SETD5: variants seen among roughly 807,000 people sequenced by gnomAD.
SETD5 encodes the protein histone-lysine N-methyltransferase SETD5.
In SETD5, 44 loss-of-function variants were observed where a neutral mutation model predicts 153.3. That is an observed-to-expected ratio of 0.29 (90% CI 0.23 to 0.37). The LOEUF (loss-of-function observed/expected upper bound fraction) is 0.37, where lower values mean the gene tolerates loss of function less well. Ranked by LOEUF, SETD5 falls within the 10% of genes least tolerant of loss-of-function variation. The probability of loss-of-function intolerance (pLI) is 1.00; values close to 1 mark genes in which losing one functional copy is unlikely to be tolerated. For missense variants in SETD5, 1,544 were observed against 1,768.0 expected (o/e 0.87, Z 2.27); for synonymous variants, 716 against 645.2 (o/e 1.11, Z -1.66).
chr3:9,473,274 T>G lies in SETD5; in HGVS notation c.3234T>G (p.Ala1078=). The G allele has an allele frequency of 6.2e-7, 1 of 1,613,828 alleles. No individual in the cohort carries two copies. Among genetic ancestry groups the G allele is most frequent in the Non-Finnish European group, 8.5e-7 (1 of 1,179,740 alleles). The change falls in exon 20 of 23, where the codon GCT becomes GCG. Residue 1078 remains alanine (A), a synonymous_variant. Coordinates refer to ENST00000402198, the MANE Select transcript of SETD5 (RefSeq NM_001080517.3). ...LLEYRKRKQE[A]KENSAGGGGD... Reference sequence around the variant, plus strand: ...AGTACCGAAAACGGAAACAAGAAGCTAAGGAAAATTCTGCTGGTGGGGGAG... The same window carrying G: ...AGTACCGAAAACGGAAACAAGAAGCGAAGGAAAATTCTGCTGGTGGGGGAG...
chr3:9,398,305 C>T (rs2034059814), intron 1 of SETD5: 3 of 152,136 alleles, frequency 2.0e-5, no homozygotes, highest in South Asian at 2.1e-4. Context: ...TTACCTTTCC[C>T]TTGAGGAGAG....
At chr3:9,419,425 GC>G (rs1687613304) in intron 1 of SETD5, among the ~76,000 whole-genome samples, 1 of 152,158 alleles carries the variant, frequency 6.6e-6, no homozygotes, top group Non-Finnish European at 1.5e-5. Flanking sequence ...ACAAGGCTGG[GC>G]ATGGCAGTAT....
At position 9,434,860 on chromosome 3, in the gene SETD5, G is replaced by A; in HGVS notation, c.366G>A (p.Arg122=). The change falls in exon 6 of 23, where the codon CGG becomes CGA. Residue 122 remains arginine, a synonymous_variant. Coordinates refer to ENST00000402198, the MANE Select transcript of SETD5 (RefSeq NM_001080517.3). The surrounding 1 kb of genome is among the most constrained non-coding windows in gnomAD (Gnocchi z 5.6). ...GGGGGAAGGTTATTAGACTTCATCGGCGGAAGCAGGACAACATATCAGGTG... is the reference window on the plus strand; with the variant it reads ...GGGGGAAGGTTATTAGACTTCATCGACGGAAGCAGGACAACATATCAGGTG... ...MSRGKVIRLH[R]RKQDNISGGD... is the part of the protein sequence containing the mutation. 1 of 1,613,534 alleles carries A rather than the reference G, an allele frequency of 6.2e-7. No individual in the cohort carries two copies. The highest frequency in any genetic ancestry group is 1.1e-5 in the South Asian group (1 of 90,908).
At chr3:9,401,674 G>A (rs534995008) in intron 1 of SETD5, among the ~76,000 whole-genome samples, 1 of 152,136 alleles carries the variant, frequency 6.6e-6, no homozygotes, top group African/African-American at 2.4e-5. Flanking sequence ...GTTAACAGCA[G>A]TCAATGACTA....
chr3:9,474,814 C>T (rs976038221), intron 21 of SETD5: 6 of 634,036 alleles, frequency 9.5e-6, no homozygotes, highest in African/African-American at 1.8e-5. Context: ...CTGTAACTCT[C>T]ATCTCTCCAA....
chr3:9,463,961 C>T (rs2044269022), intron 17 of SETD5, among the ~76,000 whole-genome samples: 1 of 152,192 alleles, frequency 6.6e-6, no homozygotes, highest in Non-Finnish European at 1.5e-5. Context: ...AATGCCATCT[C>T]TACTAAAAAT....
intron 1 of SETD5, among the ~76,000 whole-genome samples, chr3:9,403,511 A>G (rs1293277624): frequency 1.3e-5 from 2 of 152,166 alleles, no homozygotes; most frequent in African/African-American, 4.8e-5. Context: ...CTACAATTTT[A>G]TTTCATTAAG....
chr3:9,433,429 A>C (rs1218591711), intron 3 of SETD5: 2 of 1,289,814 alleles, frequency 1.6e-6, no homozygotes, highest in Non-Finnish European at 2.0e-6. Flanking sequence ...TGCAGAAGGC[A>C]CTTTGATCAT....
rs1277618395 is a variant in SETD5, at chr3:9,443,313, A to T, written c.1083A>T (p.Arg361=). The change falls in exon 11 of 23, where the codon CGA becomes CGT. Residue 361 remains arginine, a synonymous_variant. Transcript: ENST00000402198. ...CCAGAAGCCTTTTCACACAGGTGCG[A>T]CACATGATTGCAGATGGGATGATTC... ...RRSCTPNAEV[R]HMIADGMIHL... is the part of the protein sequence containing the mutation. The T allele has an allele frequency of 6.4e-7, 1 of 1,551,858 alleles. No individual in the cohort carries two copies. The highest frequency in any genetic ancestry group is 8.7e-7 in the Non-Finnish European group (1 of 1,148,214).
At chr3:9,441,220 CAG>C (rs912413533) in intron 8 of SETD5, among the ~76,000 whole-genome samples, 3 of 151,958 alleles carry the variant, frequency 2.0e-5, no homozygotes, top group Admixed American at 6.6e-5. Context: ...ATTTAAAAAA[CAG>C]AGAGAGAGAT....
At chr3:9,468,210 G>A (rs1046684995) in intron 18 of SETD5, among the ~76,000 whole-genome samples, 7 of 151,840 alleles carry the variant, frequency 4.6e-5, no homozygotes, top group South Asian at 4.2e-4. Flanking sequence ...ATACAAAGAC[G>A]TATAACACTA....
intron 17 of SETD5, among the ~76,000 whole-genome samples, chr3:9,460,612 C>T (rs937975197): frequency 6.6e-5 from 10 of 151,628 alleles, no homozygotes; most frequent in African/African-American, 4.8e-5. Context: ...GAATAACATT[C>T]GGAAATAAAC....
At chr3:9,465,043 C>T in intron 18 of SETD5, 1 of 251,054 alleles carries the variant, frequency 4.0e-6, no homozygotes, top group South Asian at 5.5e-5. Flanking sequence ...AGCCTGAGAG[C>T]ACAGATGATA....
chr3:9,454,897 A>T (rs1354652076), intron 17 of SETD5, among the ~76,000 whole-genome samples: 1 of 151,858 alleles, frequency 6.6e-6, no homozygotes, highest in African/African-American at 2.4e-5. Context: ...AATATTAGAC[A>T]ATCAAAATAC....
Position 9,474,536 on chromosome 3 carries a change from A to G in SETD5, c.3585A>G (p.Gly1195=). The part of the protein sequence containing the change: ...LRSSVRVAQK[G]EPSPTWESNI... Reference sequence around the variant, plus strand: ...GCAGCGTGAGGGTGGCCCAAAAGGGAGAGCCCTCTCCCACATGGGAGAGTA... The same window carrying G: ...GCAGCGTGAGGGTGGCCCAAAAGGGGGAGCCCTCTCCCACATGGGAGAGTA... Residue 1195 remains glycine (G), a synonymous_variant, in exon 21 of 23, where the codon GGA becomes GGG. Coordinates refer to ENST00000402198, the MANE Select transcript of SETD5 (RefSeq NM_001080517.3). The G allele has an allele frequency of 6.2e-7, 1 of 1,613,888 alleles. No individual in the cohort carries two copies. The highest frequency in any genetic ancestry group is 8.5e-7 in the Non-Finnish European group (1 of 1,179,856).
Position 9,434,751 on chromosome 3 carries a change from A to C in SETD5, c.330-73A>C. On this transcript the variant is annotated intron_variant, in intron 5 of 22. Transcript: ENST00000402198. This position sits in a 1 kb window ranked among gnomAD's most constrained non-coding sequence, Gnocchi z 5.6. The stretch of plus-strand genomic sequence containing the variant: ...GGGAGGGGGTAGCATATGCAGAGAC[A>C]CTTCGCCCATGTGTGCTATGATGTG... 6.5e-7 allele frequency: 1 copy of C among 1,528,976 alleles called. No individual in the cohort carries two copies. Among genetic ancestry groups the C allele is most frequent in the Non-Finnish European group, 8.8e-7 (1 of 1,134,012 alleles). The allele number at this position is 1,528,976 out of a possible 1,614,324, so 94.7% of individuals were successfully genotyped here. A position where few individuals can be genotyped will look rare whatever the true frequency, so the allele number is the denominator to read the frequency against.
intron 1 of SETD5, among the ~76,000 whole-genome samples, chr3:9,416,716 T>G (rs2037526671): frequency 6.6e-6 from 1 of 152,196 alleles, no homozygotes; most frequent in African/African-American, 2.4e-5. Flanking sequence ...GCCCCTCTTA[T>G]GTATCCTTAT....
At chr3:9,438,972 G>A (rs2040937228) in intron 7 of SETD5, among the ~76,000 whole-genome samples, 1 of 152,200 alleles carries the variant, frequency 6.6e-6, no homozygotes, top group East Asian at 1.9e-4. Flanking sequence ...ATGCCTTGAA[G>A]GATGGGACAG....
chr3:9,456,764 A>G (rs183333662), intron 17 of SETD5, among the ~76,000 whole-genome samples: 364 of 151,004 alleles, frequency 2.4e-3, no homozygotes, highest in Non-Finnish European at 4.0e-3. Flanking sequence ...CACGAGGTGA[A>G]AAGATTGAGA....
Sources: allele counts gnomAD v4.1 joint callset (sites outside exome capture counted in the v4.1 genomes callset), GRCh38; gene constraint gnomAD v4.1.1; non-coding constraint Gnocchi (gnomAD v3.1); transcripts MANE v1.5; gene names NCBI Gene and HGNC (gene_info 2026-07-23, HGNC 2026-07-21).